ANKZF1: variants seen among roughly 807,000 people sequenced by gnomAD.
ANKZF1 encodes the protein ankyrin repeat and zinc finger peptidyl tRNA hydrolase 1.
Under a neutral mutation model 86.0 loss-of-function variants are expected in ANKZF1, and 84 were observed. The ratio of observed to expected loss-of-function variants is 0.98; its 90% CI spans 0.82 to 1.17. ANKZF1 has a LOEUF of 1.17. Ranked by LOEUF, ANKZF1 falls within the 50% of genes most tolerant of loss-of-function variation. The probability of loss-of-function intolerance (pLI) is 0.00; values close to 1 mark genes in which losing one functional copy is unlikely to be tolerated. For missense variants in ANKZF1, 893 were observed against 918.4 expected, an observed-to-expected ratio of 0.97 and a Z score of 0.36; for synonymous variants, 331 against 354.2, an observed-to-expected ratio of 0.93 and a Z score of 0.74.
In ANKZF1 at chr2:219,233,708, TCTC is replaced by T. The variant is rs762693493; in HGVS notation, c.820-6_820-4del. 8.1e-6 allele frequency: 13 copies of T among 1,609,296 alleles called. No homozygotes were observed. The highest frequency in any genetic ancestry group is 1.1e-5 in the Non-Finnish European group (13 of 1,178,134). ...GGTATGCAGGACTGAGTTACTCTCT[TCTC>T]TAGGATGTTCGTGACCTGCTGGCAG... is the stretch of plus-strand genomic sequence containing the variant. On this transcript the variant is annotated splice_polypyrimidine_tract_variant and splice_region_variant and intron_variant, in intron 7 of 13. Transcript: ENST00000323348.
intron 9 of ANKZF1, chr2:219,234,493 CTT>C: frequency 1.4e-6 from 1 of 723,064 alleles, no homozygotes; most frequent in Non-Finnish European, 2.3e-6. Context: ...CTAAGAAAAT[CTT>C]TGTGTGGAGC....
intron 1 of ANKZF1, 41 bp from the exon 2 acceptor site, chr2:219,230,187 C>T (rs1950986446): frequency 1.9e-6 from 3 of 1,550,900 alleles, no homozygotes; most frequent in South Asian, 2.4e-5. Context: ...AGTAGGATCT[C>T]GTTTGCAGGA....
In ANKZF1 at chr2:219,232,353, A is replaced by C; in HGVS notation, c.355A>C (p.Ser119Arg). The change falls in exon 4 of 14, where the codon AGC (serine) becomes CGC (arginine). Residue 119 changes from serine (S) to arginine (R), a missense_variant. Coordinates refer to ENST00000323348, the MANE Select transcript of ANKZF1 (RefSeq NM_018089.3). Reference sequence around the variant, plus strand: ...GTCTGCCCTGGACTTTGAAAAGCAGAGCTCCACAGGTGATGAGTGGTAGGG... The same window carrying C: ...GTCTGCCCTGGACTTTGAAAAGCAGCGCTCCACAGGTGATGAGTGGTAGGG... Reference protein sequence around the residue: ...LLSALDFEKQSSTGDLSSISG... With the variant: ...LLSALDFEKQRSTGDLSSISG... 1 of 1,614,208 alleles carries C rather than the reference A, an allele frequency of 6.2e-7. No individual in the cohort carries two copies. The highest frequency in any genetic ancestry group is 8.5e-7 in the Non-Finnish European group (1 of 1,180,014).
At chr2:219,231,797 A>G in intron 2 of ANKZF1, 131 bp from the exon 3 acceptor site, 1 of 709,598 alleles carries the variant, frequency 1.4e-6, no homozygotes, top group Non-Finnish European at 2.5e-6. Flanking sequence ...TAGAGTGTAA[A>G]TTCCTTGAAG....
At chr2:219,235,987 T>G in intron 12 of ANKZF1, 23 bp from the exon 13 acceptor site, 1 of 1,614,204 alleles carries the variant, frequency 6.2e-7, no homozygotes, top group South Asian at 1.1e-5. Flanking sequence ...GGCCTTGTCC[T>G]TAACACAACT....
At chr2:219,236,260 G>GA (rs1227886750) in intron 13 of ANKZF1, 62 bp from the exon 14 acceptor site, 38 of 1,611,432 alleles carry the variant, frequency 2.4e-5, no homozygotes, top group Non-Finnish European at 3.2e-5. Context: ...GAGGGACGGG[G>GA]AGAGCGTGGA....
Position 219,233,273 on chromosome 2 carries a change from G to C in ANKZF1, c.672-13G>C, listed in dbSNP as rs778770164. On this transcript the variant is annotated splice_polypyrimidine_tract_variant and intron_variant, in intron 6 of 13. Coordinates refer to ENST00000323348, the MANE Select transcript of ANKZF1 (RefSeq NM_018089.3). ...CCAGCTGGTCTCCAGTACTGAGTCT[G>C]TGCTGTCTACAGAAGAGAAGTGGTG... is the stretch of plus-strand genomic sequence containing the variant. 5.6e-6 allele frequency: 9 copies of C among 1,614,106 alleles called. No individual in the cohort carries two copies. The Admixed American group carries it at 1.5e-4, about 27-fold the overall frequency.
chr2:219,234,257 G>T lies in ANKZF1; in HGVS notation c.1173G>T (p.Ala391=). ...AGATCTGCAGGGATGAAAAGGAAGC[G>T]CTGGGGCAGAATGAGGAATCTCCCA... is the stretch of plus-strand genomic sequence containing the variant. The part of the protein sequence containing the change: ...IRKICRDEKE[A]LGQNEESPKQ... The change falls in exon 9 of 14, where the codon GCG becomes GCT. Residue 391 remains alanine, a synonymous_variant. Coordinates refer to ENST00000323348, the MANE Select transcript of ANKZF1 (RefSeq NM_018089.3). 1.2e-6 allele frequency: 2 copies of T among 1,613,968 alleles called. No homozygotes were observed. Among genetic ancestry groups the T allele is most frequent in the East Asian group, 2.2e-5 (1 of 44,878 alleles).
chr2:219,234,337 A>G, intron 9 of ANKZF1, 49 bp downstream of exon 9: 1 of 1,612,392 alleles, frequency 6.2e-7, no homozygotes, highest in Non-Finnish European at 8.5e-7. Context: ...TGTCCTAAAA[A>G]TGCACTGGCA....
In ANKZF1 at chr2:219,236,595, GTATGTGGAGCTGGTA is replaced by G; in HGVS notation, c.*151_*165del. 1 of 1,033,340 alleles carries G rather than the reference GTATGTGGAGCTGGTA, an allele frequency of 9.7e-7. No homozygotes were observed. Among genetic ancestry groups the G allele is most frequent in the South Asian group, 1.7e-5 (1 of 59,486 alleles). 64.0% of individuals were successfully genotyped at this position (1,033,340 alleles called of 1,614,324 possible). A position where few individuals can be genotyped will look rare whatever the true frequency, so the allele number is the denominator to read the frequency against. ...AACTAGGGCAAAGACAGGGCTAGAG[GTATGTGGAGCTGGTA>G]CTGTCTCTGGAATTTTAATCACAAT... On this transcript the variant is annotated 3_prime_UTR_variant, in exon 14 of 14. Transcript: ENST00000323348.
chr2:219,230,871 T>TG (rs1254304490), intron 2 of ANKZF1: 1 of 153,294 alleles, frequency 6.5e-6, no homozygotes, highest in African/African-American at 2.4e-5. Flanking sequence ...CCCGAGTAGC[T>TG]GGGACTACAG....
At position 219,232,477 on chromosome 2, in the gene ANKZF1, T is replaced by C. The variant is rs370626225; in HGVS notation, c.365-13T>C. On this transcript the variant is annotated splice_polypyrimidine_tract_variant and intron_variant, in intron 4 of 13. Coordinates refer to ENST00000323348, the MANE Select transcript of ANKZF1 (RefSeq NM_018089.3). ...GGTACCAAACTTGTGTATCTCATAT[T>C]GTCTGTCTTCAGGAGATCTTTCCAG... The C allele has an allele frequency of 6.8e-6, 11 of 1,613,782 alleles. No individual in the cohort carries two copies. In the East Asian group the frequency reaches 8.9e-5, roughly 13 times the overall value.
At chr2:219,232,834 C>G in intron 5 of ANKZF1, 151 bp downstream of exon 5, 1 of 957,430 alleles carries the variant, frequency 1.0e-6, no homozygotes, top group African/African-American at 1.6e-5. Flanking sequence ...TTGAAACTGG[C>G]CTGAATTGTG....
Position 219,235,858 on chromosome 2 carries a change from C to A in ANKZF1, c.1954C>A (p.Leu652Ile). The A allele has an allele frequency of 1.2e-6, 2 of 1,614,166 alleles. No homozygotes were observed. Among genetic ancestry groups the A allele is most frequent in the Non-Finnish European group, 8.5e-7 (1 of 1,180,030 alleles). Residue 652 changes from leucine to isoleucine, a missense_variant, in exon 12 of 14, where the codon CTC (leucine) becomes ATC (isoleucine). Leu to Ile is a conservative substitution (Grantham distance 5). Coordinates refer to ENST00000323348, the MANE Select transcript of ANKZF1 (RefSeq NM_018089.3). ...EREEQRRFAA[L>I]SDREKRALAA... ...AGAAGAGCAGCGGCGATTTGCCGCCCTCAGTGACCGAGAGAAGGTGAGGCT... is the reference window on the plus strand; with the variant it reads ...AGAAGAGCAGCGGCGATTTGCCGCCATCAGTGACCGAGAGAAGGTGAGGCT...
rs754953343 is a variant in ANKZF1, at chr2:219,233,330, G to A, written c.716G>A (p.Arg239Gln). The A allele has an allele frequency of 1.1e-5, 18 of 1,614,236 alleles. 1 individual carries two copies. The Middle Eastern group carries it at 4.9e-4, about 44-fold the overall frequency. The change falls in exon 7 of 14, where the codon CGG becomes CAG. Residue 239 changes from arginine to glutamine, a missense_variant. Arg to Gln is a conservative substitution (Grantham distance 43, BLOSUM62 1). Coordinates refer to ENST00000323348, the MANE Select transcript of ANKZF1 (RefSeq NM_018089.3). ...THKTFHRYTV[R>Q]AKRGTAQGLR... ...AAAACTTTTCACCGCTATACGGTTC[G>A]GGCCAAGCGGGGCACAGCCCAGGGG...
intron 6 of ANKZF1, 36 bp downstream of exon 6, chr2:219,233,227 G>A: frequency 6.2e-7 from 1 of 1,614,206 alleles, no homozygotes. Context: ...GGATGGAGTG[G>A]ATCCTGTTAG....
rs775465043 is a variant in ANKZF1, at chr2:219,236,099, T to C, written c.2057+4T>C. ...ACTCTGCAATCGTCAATACTCGGTA[T>C]GGGGTGCGGGATGAGGGAGTGGGTG... On this transcript the variant is annotated splice_donor_region_variant and intron_variant, in intron 13 of 13. Coordinates refer to ENST00000323348, the MANE Select transcript of ANKZF1 (RefSeq NM_018089.3). 3 of 1,614,118 alleles carry C rather than the reference T, an allele frequency of 1.9e-6. No homozygotes were observed. Among genetic ancestry groups the C allele is most frequent in the East Asian group, 2.2e-5 (1 of 44,884 alleles).
Position 219,230,279 on chromosome 2 carries a change from G to GC in ANKZF1, c.26dup (p.Ala10GlyfsTer9). 1 of 1,613,792 alleles carries GC rather than the reference G, an allele frequency of 6.2e-7. No individual in the cohort carries two copies. ...AGCCATGTCGCCGGCTCCAGATGCA[G>GC]CCCCGGCTCCTGCGTCGATCTCCCT... On this transcript the variant is annotated frameshift_variant, in exon 2 of 14. Transcript: ENST00000323348. LOFTEE classifies it high-confidence loss of function.
chr2:219,234,525 A>G (rs1951144800), intron 9 of ANKZF1: 5 of 647,024 alleles, frequency 7.7e-6, no homozygotes, highest in Non-Finnish European at 1.3e-5. Context: ...GATGTGTTGC[A>G]TGGATCTCAC....
Sources: allele counts gnomAD v4.1 joint callset, GRCh38; gene constraint gnomAD v4.1.1; transcripts MANE v1.5; gene names NCBI Gene and HGNC (gene_info 2026-07-23, HGNC 2026-07-21).